ARHGAP24: variants seen among roughly 807,000 people sequenced by gnomAD.
ARHGAP24 encodes rho GTPase-activating protein 24.
In ARHGAP24, 50 loss-of-function variants were observed where a neutral mutation model predicts 76.4. The ratio of observed to expected loss-of-function variants is 0.65; its 90% CI spans 0.52 to 0.83. The LOEUF (loss-of-function observed/expected upper bound fraction) is 0.83. Among genes scored for constraint, ARHGAP24 ranks in the 40% least tolerant of loss-of-function variants. The pLI, the probability that ARHGAP24 is intolerant of heterozygous loss-of-function variation, is 0.00. For missense variants in ARHGAP24, 930 were observed against 914.2 expected, an observed-to-expected ratio of 1.02 and a Z score of -0.22; for synonymous variants, 345 against 323.3, an observed-to-expected ratio of 1.07 and a Z score of -0.72.
intron 6 of ARHGAP24, among the ~76,000 whole-genome samples, chr4:85,973,743 A>G (rs943738072): frequency 6.6e-6 from 1 of 151,172 alleles, no homozygotes; most frequent in Non-Finnish European, 1.5e-5. Context: ...CTTCATGTGG[A>G]TATACAATTG....
intron 1 of ARHGAP24, among the ~76,000 whole-genome samples, chr4:85,513,794 T>C (rs1428607600): frequency 6.6e-6 from 1 of 152,214 alleles, no homozygotes; most frequent in Non-Finnish European, 1.5e-5. Context: ...TTGATTTCTT[T>C]TTCCCTTGTG....
chr4:85,714,045 C>T (rs1724634213), intron 2 of ARHGAP24, among the ~76,000 whole-genome samples: 1 of 152,110 alleles, frequency 6.6e-6, no homozygotes, highest in African/African-American at 2.4e-5. Context: ...CAATGTGCCT[C>T]CTCTCACAAT....
At chr4:85,544,133 G>A (rs1725814515) in intron 1 of ARHGAP24, among the ~76,000 whole-genome samples, 1 of 152,040 alleles carries the variant, frequency 6.6e-6, no homozygotes, top group East Asian at 1.9e-4. Flanking sequence ...TCCATAAGGG[G>A]CCCACCTGTC....
intron 5 of ARHGAP24, among the ~76,000 whole-genome samples, chr4:85,969,014 C>T (rs1578445648): frequency 6.6e-6 from 1 of 152,128 alleles, no homozygotes; most frequent in African/African-American, 2.4e-5. Flanking sequence ...AATCATCCCA[C>T]TCCACCTTTC....
intron 2 of ARHGAP24, among the ~76,000 whole-genome samples, chr4:85,720,563 G>T (rs1337340926): frequency 2.0e-5 from 3 of 152,122 alleles, no homozygotes; most frequent in African/African-American, 7.2e-5. Flanking sequence ...GCTTTTGAAT[G>T]TATCTGAAGC....
At chr4:85,487,869 T>C (rs1412549241) in intron 1 of ARHGAP24, among the ~76,000 whole-genome samples, 1 of 124,856 alleles carries the variant, frequency 8.0e-6, no homozygotes, top group East Asian at 2.1e-4. Context: ...ATATATTATA[T>C]AAATATATAA....
chr4:85,500,093 T>G (rs1306780342), intron 1 of ARHGAP24, among the ~76,000 whole-genome samples: 1 of 152,164 alleles, frequency 6.6e-6, no homozygotes, highest in African/African-American at 2.4e-5. Context: ...AATATAAAAT[T>G]TTCACTAATA....
chr4:85,499,643 A>G (rs1229829456), intron 1 of ARHGAP24, among the ~76,000 whole-genome samples: 2 of 152,252 alleles, frequency 1.3e-5, no homozygotes, highest in African/African-American at 4.8e-5. Flanking sequence ...ATCTTTCATT[A>G]TCACCTCTTA....
intron 3 of ARHGAP24, among the ~76,000 whole-genome samples, chr4:85,842,970 T>C (rs1730689637): frequency 6.6e-6 from 1 of 152,284 alleles, no homozygotes; most frequent in South Asian, 2.1e-4. Flanking sequence ...GTAAATGAGA[T>C]TCTGACTCAA....
chr4:85,599,429 G>T (rs1387752172), intron 2 of ARHGAP24, among the ~76,000 whole-genome samples: 2 of 152,124 alleles, frequency 1.3e-5, no homozygotes, highest in African/African-American at 4.8e-5. Flanking sequence ...AGTATTTAAT[G>T]CTAGGAAAAT....
chr4:85,799,738 C>G (rs2110103161), intron 3 of ARHGAP24, among the ~76,000 whole-genome samples: 1 of 152,232 alleles, frequency 6.6e-6, no homozygotes, highest in Admixed American at 6.5e-5. Context: ...AATGCAGAAT[C>G]CTGGCAGCAT....
chr4:85,808,453 T>C (rs1350131379), intron 3 of ARHGAP24, among the ~76,000 whole-genome samples: 1 of 152,236 alleles, frequency 6.6e-6, no homozygotes, highest in African/African-American at 2.4e-5. Flanking sequence ...TCACTTGCTT[T>C]AGGCAAATGT....
At chr4:85,577,244 T>C (rs1727417833) in intron 2 of ARHGAP24, among the ~76,000 whole-genome samples, 1 of 149,438 alleles carries the variant, frequency 6.7e-6, no homozygotes, top group Admixed American at 6.7e-5. Flanking sequence ...AAAAAATATA[T>C]ATATAATAGA....
At chr4:85,537,162 G>A (rs920217708) in intron 1 of ARHGAP24, among the ~76,000 whole-genome samples, 2 of 151,996 alleles carry the variant, frequency 1.3e-5, no homozygotes, top group Non-Finnish European at 2.9e-5. Flanking sequence ...CAATGGACAA[G>A]CACCTATTGA....
At chr4:85,850,625 T>A (rs1013138423) in intron 3 of ARHGAP24, among the ~76,000 whole-genome samples, 2 of 152,236 alleles carry the variant, frequency 1.3e-5, no homozygotes, top group African/African-American at 4.8e-5. Context: ...TTTAAATGTG[T>A]CCCAGAGATT....
intron 2 of ARHGAP24, among the ~76,000 whole-genome samples, chr4:85,619,889 T>A (rs910543302): frequency 6.6e-6 from 1 of 151,984 alleles, no homozygotes; most frequent in African/African-American, 2.4e-5. Flanking sequence ...TTATTTTTTT[T>A]CAAATGCCTT....
At chr4:85,729,570 C>T (rs1429924704) in intron 3 of ARHGAP24, among the ~76,000 whole-genome samples, 1 of 152,142 alleles carries the variant, frequency 6.6e-6, no homozygotes, top group African/African-American at 2.4e-5. Flanking sequence ...TGTCCTCTCA[C>T]AGTGTTGGTA....
chr4:85,969,872 A>G (rs751567891), intron 5 of ARHGAP24, among the ~76,000 whole-genome samples: 1 of 152,160 alleles, frequency 6.6e-6, no homozygotes, highest in Non-Finnish European at 1.5e-5. Flanking sequence ...TGACCTGGGA[A>G]CACGATTTTT....
chr4:86,000,080 CTTTTTTT>C (rs35831725), intron 9 of ARHGAP24: 1 of 143,350 alleles, frequency 7.0e-6, no homozygotes, highest in Non-Finnish European at 1.5e-5. Context: ...TTATTGCCCT[CTTTTTTT>C]TTTTTTTTTG....
Sources: allele counts gnomAD v4.1 joint callset (sites outside exome capture counted in the v4.1 genomes callset), GRCh38; gene constraint gnomAD v4.1.1; transcripts MANE v1.5; gene names NCBI Gene and HGNC (gene_info 2026-07-23, HGNC 2026-07-21).